GRIA4: variants seen among roughly 807,000 people sequenced by gnomAD.
GRIA4 encodes the protein glutamate ionotropic receptor AMPA type subunit 4, also known as glutamate receptor 4.
In GRIA4, 34 loss-of-function variants were observed where a neutral mutation model predicts 104.0. That is an observed-to-expected ratio of 0.33 (90% confidence interval 0.25 to 0.44). GRIA4 has a LOEUF of 0.44. GRIA4 is among the 20% of genes least tolerant of loss of function. The pLI, the probability that GRIA4 is intolerant of heterozygous loss-of-function variation, is 1.00. For missense variants in GRIA4, 750 were observed against 1,096.5 expected (o/e 0.68, Z 4.46); for synonymous variants, 386 against 381.9 (o/e 1.01, Z -0.13).
intron 4 of GRIA4, among the ~76,000 whole-genome samples, chr11:105,819,262 T>C (rs1943492269): frequency 6.6e-6 from 1 of 152,174 alleles, no homozygotes; most frequent in Non-Finnish European, 1.5e-5. Flanking sequence ...CTATCTGATT[T>C]TGGATCCTGG....
intron 4 of GRIA4, among the ~76,000 whole-genome samples, chr11:105,794,474 T>G (rs1591268269): frequency 6.8e-5 from 2 of 29,536 alleles, no homozygotes; most frequent in African/African-American, 1.8e-4. Flanking sequence ...TATATGTATG[T>G]ATATATATAT....
At chr11:105,640,469 T>C (rs1230059955) in intron 3 of GRIA4, among the ~76,000 whole-genome samples, 1 of 152,078 alleles carries the variant, frequency 6.6e-6, no homozygotes, top group East Asian at 1.9e-4. Flanking sequence ...TACTATTTTA[T>C]AGACACTTAA....
chr11:105,785,031 G>A lies in GRIA4; in HGVS notation c.487+31811G>A, dbSNP rs529649723. 1.4e-4 allele frequency among the ~76,000 whole-genome samples: 21 copies of A among 152,196 alleles called. No individual in the cohort carries two copies. The East Asian group carries it at 1.9e-3, about 14-fold the overall frequency. On this transcript the variant is annotated intron_variant, in intron 4 of 16. Transcript: ENST00000282499. ...CTACCATGTATTAAGCCCATGCAGC[G>A]TTCCAGCTACTGTTTATATGCTATA... is the stretch of plus-strand genomic sequence containing the variant.
chr11:105,619,123 G>T (rs181280857), intron 3 of GRIA4, among the ~76,000 whole-genome samples: 1 of 151,268 alleles, frequency 6.6e-6, no homozygotes, highest in African/African-American at 2.4e-5. Context: ...TAGGTTTTTG[G>T]ATATATTGGC....
At chr11:105,794,481 A>ATG (rs1565241268) in intron 4 of GRIA4, among the ~76,000 whole-genome samples, 1 of 100,558 alleles carries the variant, frequency 9.9e-6, no homozygotes, top group Non-Finnish European at 1.9e-5. Context: ...ATGTATATAT[A>ATG]TATATATATA....
intron 4 of GRIA4, among the ~76,000 whole-genome samples, chr11:105,778,154 C>G (rs1233151708): frequency 6.6e-6 from 1 of 152,158 alleles, no homozygotes; most frequent in East Asian, 1.9e-4. Flanking sequence ...ATTTAATTAG[C>G]TCAGATTTGG....
At chr11:105,713,107 GCA>G (rs1311640705) in intron 3 of GRIA4, among the ~76,000 whole-genome samples, 1 of 152,080 alleles carries the variant, frequency 6.6e-6, no homozygotes, top group Non-Finnish European at 1.5e-5. Context: ...TACAGGCCAG[GCA>G]CAGTGACTCA....
At chr11:105,711,911 GTGAA>G (rs1266633698) in intron 3 of GRIA4, among the ~76,000 whole-genome samples, 6 of 152,064 alleles carry the variant, frequency 3.9e-5, no homozygotes, top group Non-Finnish European at 5.9e-5. Context: ...CTCTGGAAAT[GTGAA>G]TACCACAACA....
At chr11:105,823,305 T>TC (rs1456666524) in intron 4 of GRIA4, among the ~76,000 whole-genome samples, 6 of 152,146 alleles carry the variant, frequency 3.9e-5, no homozygotes, top group African/African-American at 1.4e-4. Context: ...GAGGTGGATT[T>TC]CTTTTTTTTC....
chr11:105,686,913 A>C (rs530088303), intron 3 of GRIA4, among the ~76,000 whole-genome samples: 1 of 152,210 alleles, frequency 6.6e-6, no homozygotes, highest in Admixed American at 6.5e-5. Flanking sequence ...CAATGTTTTA[A>C]TGGAGTTATT....
At chr11:105,846,514 A>G (rs1944602405) in intron 4 of GRIA4, among the ~76,000 whole-genome samples, 1 of 152,152 alleles carries the variant, frequency 6.6e-6, no homozygotes. Context: ...ACATATGACT[A>G]TTACACACAT....
At chr11:105,720,959 C>T (rs1937766387) in intron 3 of GRIA4, among the ~76,000 whole-genome samples, 1 of 152,114 alleles carries the variant, frequency 6.6e-6, no homozygotes, top group Admixed American at 6.6e-5. Context: ...AATAGAAAGG[C>T]TGTTGGTTCC....
intron 4 of GRIA4, among the ~76,000 whole-genome samples, chr11:105,781,695 A>G (rs1941735492): frequency 6.6e-6 from 1 of 152,112 alleles, no homozygotes; most frequent in Non-Finnish European, 1.5e-5. Flanking sequence ...TTTAACAATC[A>G]TTTACAAACC....
intron 4 of GRIA4, among the ~76,000 whole-genome samples, chr11:105,859,035 T>C (rs961233904): frequency 1.3e-5 from 2 of 152,168 alleles, no homozygotes; most frequent in African/African-American, 4.8e-5. Flanking sequence ...ACCTAGGAGA[T>C]GCAAATCATA....
At chr11:105,846,965 G>A (rs1054282794) in intron 4 of GRIA4, among the ~76,000 whole-genome samples, 2 of 152,180 alleles carry the variant, frequency 1.3e-5, no homozygotes, top group East Asian at 1.9e-4. Flanking sequence ...TAACCCATTA[G>A]GGCAACGGTC....
At chr11:105,731,878 G>T (rs1456387327) in intron 3 of GRIA4, among the ~76,000 whole-genome samples, 1 of 151,984 alleles carries the variant, frequency 6.6e-6, no homozygotes, top group Non-Finnish European at 1.5e-5. Context: ...GGCCTGTCGG[G>T]GGGTGGGGGA....
chr11:105,970,967 T>A (rs1397031577), intron 14 of GRIA4, among the ~76,000 whole-genome samples: 1 of 152,124 alleles, frequency 6.6e-6, no homozygotes, highest in African/African-American at 2.4e-5. Context: ...CCTAATATAA[T>A]ATTTAGTGTT....
At chr11:105,715,568 C>T (rs537417730) in intron 3 of GRIA4, among the ~76,000 whole-genome samples, 1 of 152,028 alleles carries the variant, frequency 6.6e-6, no homozygotes, top group African/African-American at 2.4e-5. Flanking sequence ...ACAGAAAATA[C>T]CAAATTTGAG....
intron 4 of GRIA4, among the ~76,000 whole-genome samples, chr11:105,781,343 A>T (rs952744946): frequency 6.6e-6 from 1 of 151,974 alleles, no homozygotes; most frequent in African/African-American, 2.4e-5. Context: ...TTGTACAAGG[A>T]CTCCAACAGA....
Sources: allele counts gnomAD v4.1 joint callset (sites outside exome capture counted in the v4.1 genomes callset), GRCh38; gene constraint gnomAD v4.1.1; transcripts MANE v1.5; gene names NCBI Gene and HGNC (gene_info 2026-07-23, HGNC 2026-07-21).